Variants in GRIN2A observed in about 807,000 individuals in gnomAD.
GRIN2A encodes the protein glutamate receptor ionotropic, NMDA 2A.
A neutral mutation model predicts 113.4 loss-of-function variants in GRIN2A; 22 were observed. That is an observed-to-expected ratio of 0.19 (90% CI 0.14 to 0.28). The LOEUF (loss-of-function observed/expected upper bound fraction) is 0.28. Ranked by LOEUF, GRIN2A falls within the 10% of genes least tolerant of loss-of-function variation. The pLI, the probability that GRIN2A is intolerant of heterozygous loss-of-function variation, is 1.00. For synonymous variants in GRIN2A, 827 were observed against 738.4 expected (o/e 1.12, Z -1.94); for missense variants, 1,502 against 1,887.0 (o/e 0.80, Z 3.78).
At chr16:9,768,793 C>T (rs1901076951) in intron 12 of GRIN2A, 58 bp downstream of exon 12, 2 of 1,138,664 alleles carry the variant, frequency 1.8e-6, no homozygotes, top group African/African-American at 3.0e-5. Flanking sequence ...CATCAAGAAC[C>T]CAAGCGCTTT....
intron 8 of GRIN2A, 48 bp downstream of exon 8, chr16:9,834,056 TA>T (rs1309284685): frequency 6.3e-7 from 1 of 1,589,968 alleles, no homozygotes; most frequent in African/African-American, 1.3e-5. Flanking sequence ...TCATTAAAGG[TA>T]AATGAAATTG....
intron 2 of GRIN2A, among the ~76,000 whole-genome samples, chr16:10,087,970 G>A (rs1250264094): frequency 6.6e-6 from 1 of 151,264 alleles, no homozygotes; most frequent in Non-Finnish European, 1.5e-5. Flanking sequence ...GATTACAGGT[G>A]TGAGCCACCA....
At chr16:10,086,450 A>G (rs977644212) in intron 2 of GRIN2A, among the ~76,000 whole-genome samples, 32 of 152,116 alleles carry the variant, frequency 2.1e-4, no homozygotes. Context: ...CAAGATTGCA[A>G]ACACATAAGA....
chr16:10,104,659 A>G (rs2048460908), intron 2 of GRIN2A, among the ~76,000 whole-genome samples: 1 of 152,170 alleles, frequency 6.6e-6, no homozygotes, highest in South Asian at 2.1e-4. Flanking sequence ...CGCACATGAC[A>G]GAGACAAGTT....
chr16:9,985,029 T>G (rs1234696671), intron 2 of GRIN2A, among the ~76,000 whole-genome samples: 2 of 152,130 alleles, frequency 1.3e-5, no homozygotes, highest in Non-Finnish European at 2.9e-5. Flanking sequence ...CACACACTCA[T>G]GCATGCATGC....
chr16:10,093,100 A>C (rs2048214995), intron 2 of GRIN2A, among the ~76,000 whole-genome samples: 1 of 152,072 alleles, frequency 6.6e-6, no homozygotes, highest in Admixed American at 6.5e-5. Context: ...CAGCCTCCCA[A>C]AGTGCTCTGA....
chr16:9,780,279 G>A (rs1023595424), intron 11 of GRIN2A, among the ~76,000 whole-genome samples: 2 of 152,134 alleles, frequency 1.3e-5, no homozygotes, highest in Non-Finnish European at 2.9e-5. Flanking sequence ...AAACCAATAA[G>A]TGCCTTTGTG....
intron 2 of GRIN2A, among the ~76,000 whole-genome samples, chr16:10,152,873 A>G (rs2049612665): frequency 6.6e-6 from 1 of 152,246 alleles, no homozygotes; most frequent in African/African-American, 2.4e-5. Context: ...ACTATATGAC[A>G]TTCTGGAAAA....
intron 2 of GRIN2A, among the ~76,000 whole-genome samples, chr16:10,127,660 G>C (rs1243661090): frequency 6.6e-6 from 1 of 152,136 alleles, no homozygotes; most frequent in Non-Finnish European, 1.5e-5. Context: ...CTAGCAACTA[G>C]CACAGAGCCT....
At chr16:9,914,885 A>G (rs1013680004) in intron 3 of GRIN2A, among the ~76,000 whole-genome samples, 1 of 62,592 alleles carries the variant, frequency 1.6e-5, no homozygotes, top group Admixed American at 2.0e-4. Context: ...CCATTTATTT[A>G]CAGCCTATTG....
At chr16:10,122,541 G>C (rs1231945045) in intron 2 of GRIN2A, among the ~76,000 whole-genome samples, 1 of 152,054 alleles carries the variant, frequency 6.6e-6, no homozygotes, top group Non-Finnish European at 1.5e-5. Context: ...CTCCCAGAAA[G>C]TTTCGCTTTG....
In GRIN2A at chr16:9,759,245, T is replaced by C. The variant is rs540925765; in HGVS notation, c.*3904A>G. 1 of 220,274 alleles carries C rather than the reference T, an allele frequency of 4.5e-6. No homozygotes were observed. The highest frequency in any genetic ancestry group is 6.7e-5 in the East Asian group (1 of 14,904). The allele number at this position is 220,274 out of a possible 1,614,324, so 13.6% of individuals were successfully genotyped here. On this transcript the variant is annotated 3_prime_UTR_variant, in exon 13 of 13. Transcript: ENST00000330684. ...TGACAACTGATTATTAAAGCTGCACTTTTTAGATTTAAAGGAGATAAATTT... is the reference window on the plus strand; with the variant it reads ...TGACAACTGATTATTAAAGCTGCACCTTTTAGATTTAAAGGAGATAAATTT...
chr16:9,801,442 G>A (rs548653087), intron 10 of GRIN2A, among the ~76,000 whole-genome samples: 12 of 152,236 alleles, frequency 7.9e-5, no homozygotes, highest in African/African-American at 2.6e-4. Context: ...CTCCTATCCT[G>A]CTAAGCCACT....
chr16:10,023,009 C>T (rs866968780), intron 2 of GRIN2A, among the ~76,000 whole-genome samples: 10 of 152,246 alleles, frequency 6.6e-5, no homozygotes, highest in Middle Eastern at 3.4e-3. Context: ...AGGAGAAAAT[C>T]CTACTAATCA....
chr16:10,103,837 A>G (rs2048444983), intron 2 of GRIN2A, among the ~76,000 whole-genome samples: 1 of 152,174 alleles, frequency 6.6e-6, no homozygotes, highest in Non-Finnish European at 1.5e-5. Flanking sequence ...TATCTGCTCT[A>G]TGTTCAAGAT....
At chr16:9,918,878 A>T (rs1275735620) in intron 3 of GRIN2A, among the ~76,000 whole-genome samples, 1 of 151,764 alleles carries the variant, frequency 6.6e-6, no homozygotes, top group Admixed American at 6.6e-5. Context: ...TTTAGTGGTT[A>T]ATGTCTGAAA....
chr16:9,768,004 G>A (rs911354548), intron 12 of GRIN2A, among the ~76,000 whole-genome samples: 3 of 152,194 alleles, frequency 2.0e-5, no homozygotes, highest in Non-Finnish European at 2.9e-5. Context: ...AGTGATGGGA[G>A]CCACAGGCTG....
rs78339491 is a variant in GRIN2A, at chr16:10,112,827, G to T, written c.414+67171C>A. 6 of 628,280 alleles carry T rather than the reference G, an allele frequency of 9.5e-6. No individual in the cohort carries two copies. In the East Asian group the frequency reaches 2.1e-4, roughly 22 times the overall value. 38.9% of individuals were successfully genotyped at this position (628,280 alleles called of 1,614,324 possible). A position where few individuals can be genotyped will look rare whatever the true frequency, so the allele number is the denominator to read the frequency against. ...CAAATTTGAGAAGTGGACCATGTCAGCCCAGATCGAGGGTGGCGTCCATGG... is the reference window on the plus strand; with the variant it reads ...CAAATTTGAGAAGTGGACCATGTCATCCCAGATCGAGGGTGGCGTCCATGG... On this transcript the variant is annotated intron_variant, in intron 2 of 12. Coordinates refer to ENST00000330684, the MANE Select transcript of GRIN2A (RefSeq NM_001134407.3).
chr16:9,774,928 G>T (rs1901504916), intron 11 of GRIN2A, among the ~76,000 whole-genome samples: 1 of 152,204 alleles, frequency 6.6e-6, no homozygotes, highest in Admixed American at 6.5e-5. Flanking sequence ...AGTCCAGGGA[G>T]AAGGTTCAGC....
Sources: gnomAD v4.1 joint callset for allele counts (sites outside exome capture counted in the v4.1 genomes callset) on GRCh38, gnomAD v4.1.1 for gene constraint, MANE v1.5 for transcripts, NCBI Gene and HGNC (gene_info 2026-07-23, HGNC 2026-07-21) for gene names.